Variants in C12orf42 observed in about 807,000 individuals in gnomAD.
C12orf42 encodes uncharacterized protein C12orf42.
A neutral mutation model predicts 21.6 loss-of-function variants in C12orf42; 25 were observed. The ratio of observed to expected loss-of-function variants is 1.16; its 90% confidence interval spans 0.84 to 1.62. The LOEUF is 1.62. C12orf42 is among the 40% of genes most tolerant of loss of function. C12orf42 has a pLI of 0.00. For missense variants in C12orf42, 483 were observed against 459.3 expected (o/e 1.05, Z -0.47); for synonymous variants, 174 against 175.0 (o/e 0.99, Z 0.05).
At chr12:103,464,236 G>A (rs1008963759) in intron 2 of C12orf42, among the ~76,000 whole-genome samples, 1 of 152,086 alleles carries the variant, frequency 6.6e-6, no homozygotes, top group African/African-American at 2.4e-5. Flanking sequence ...ACCAACATCT[G>A]TTATTTCTTG....
the C12orf42 span, among the ~76,000 whole-genome samples, chr12:103,554,273 A>T: frequency 6.6e-6 from 1 of 152,274 alleles, no homozygotes; most frequent in East Asian, 1.9e-4. Context: ...TAAATATAAG[A>T]GTAGCCTGGA....
intron 2 of C12orf42, among the ~76,000 whole-genome samples, chr12:103,436,047 G>T (rs1373589672): frequency 6.6e-6 from 1 of 151,988 alleles, no homozygotes; most frequent in Non-Finnish European, 1.5e-5. Flanking sequence ...ACTAACAGCG[G>T]ATCTCTCGGC....
At chr12:103,324,576 C>T (rs374858191) in intron 4 of C12orf42, among the ~76,000 whole-genome samples, 5 of 152,262 alleles carry the variant, frequency 3.3e-5, no homozygotes, top group Middle Eastern at 3.4e-3. Context: ...TGAGGACCTG[C>T]TATTTTAAAA....
the C12orf42 span, among the ~76,000 whole-genome samples, chr12:103,505,799 C>T: frequency 3.9e-5 from 6 of 152,196 alleles, no homozygotes; most frequent in African/African-American, 1.2e-4. Context: ...TCTGGCTTCT[C>T]CGCTTGGACA....
At chr12:103,119,304 AT>A in the C12orf42 span, among the ~76,000 whole-genome samples, 3 of 152,234 alleles carry the variant, frequency 2.0e-5, no homozygotes, top group Non-Finnish European at 4.4e-5. Context: ...TGATGATTAA[AT>A]GAGATAACAC....
chr12:103,382,659 A>G (rs2046283677), intron 3 of C12orf42, among the ~76,000 whole-genome samples: 2 of 152,248 alleles, frequency 1.3e-5, no homozygotes, highest in Admixed American at 1.3e-4. Context: ...TGCCTATTTC[A>G]CAGGTGCAGA....
chr12:103,283,835 C>T (rs987586424), intron 4 of C12orf42, among the ~76,000 whole-genome samples: 2 of 152,136 alleles, frequency 1.3e-5, no homozygotes, highest in South Asian at 2.1e-4. Context: ...TGTAAATGAT[C>T]GAATGGATGA....
chr12:103,381,190 TA>T (rs966387093), intron 3 of C12orf42, among the ~76,000 whole-genome samples: 1 of 152,204 alleles, frequency 6.6e-6, no homozygotes, highest in African/African-American at 2.4e-5. Flanking sequence ...AGCAAATCAC[TA>T]AACTGAACAC....
chr12:103,076,467 G>T, the C12orf42 span, among the ~76,000 whole-genome samples: 1 of 152,030 alleles, frequency 6.6e-6, no homozygotes, highest in African/African-American at 2.4e-5. Flanking sequence ...CATGAGGCCT[G>T]TTAATGTCAT....
At chr12:103,279,394 G>A (rs1428196740) in intron 4 of C12orf42, among the ~76,000 whole-genome samples, 1 of 151,994 alleles carries the variant, frequency 6.6e-6, no homozygotes, top group African/African-American at 2.4e-5. Context: ...CAATAAAGCT[G>A]TTAAATATAT....
chr12:103,138,957 A>G, the C12orf42 span, among the ~76,000 whole-genome samples: 70 of 152,080 alleles, frequency 4.6e-4, no homozygotes, highest in African/African-American at 1.6e-3. Flanking sequence ...TAGCACCATC[A>G]TGTATCTGTA....
the C12orf42 span, among the ~76,000 whole-genome samples, chr12:103,064,568 C>T: frequency 1.3e-5 from 2 of 152,190 alleles, no homozygotes; most frequent in Non-Finnish European, 2.9e-5. Context: ...AAAATCATGG[C>T]CCCTCAATCA....
At chr12:103,106,420 A>G in the C12orf42 span, among the ~76,000 whole-genome samples, 16 of 152,254 alleles carry the variant, frequency 1.1e-4, no homozygotes, top group East Asian at 2.1e-3. Flanking sequence ...ACATGTGGGT[A>G]AAAATAAACA....
upstream of C12orf42, among the ~76,000 whole-genome samples, chr12:103,496,297 A>G (rs555691598): frequency 9.9e-5 from 15 of 152,236 alleles, no homozygotes; most frequent in South Asian, 3.1e-3. Flanking sequence ...CCACCTACTC[A>G]TCTGCCTCGA....
At chr12:103,116,379 A>ATAT in the C12orf42 span, among the ~76,000 whole-genome samples, 164 of 128,942 alleles carry the variant, frequency 1.3e-3, no homozygotes, top group African/African-American at 3.7e-3. Context: ...AGAAAAAAAA[A>ATAT]AAATATATAT....
chr12:103,113,417 G>A, the C12orf42 span, among the ~76,000 whole-genome samples: 1 of 151,754 alleles, frequency 6.6e-6, no homozygotes, highest in Non-Finnish European at 1.5e-5. Context: ...TCTCTCAACC[G>A]ATATTAAGTT....
chr12:103,297,466 C>T (rs1205001691), downstream of C12orf42, among the ~76,000 whole-genome samples: 1 of 152,166 alleles, frequency 6.6e-6, no homozygotes, highest in African/African-American at 2.4e-5. Flanking sequence ...AATTAATAGC[C>T]TACCAACCAA....
chr12:103,488,355 C>A (rs1954973480), intron 1 of C12orf42, among the ~76,000 whole-genome samples: 1 of 152,278 alleles, frequency 6.6e-6, no homozygotes, highest in South Asian at 2.1e-4. Flanking sequence ...TGTGGGTAAC[C>A]CAACCTTTCT....
At chr12:103,262,266 G>C (rs959709675) in intron 10 of C12orf42, 1 of 152,280 alleles carries the variant, frequency 6.6e-6, no homozygotes, top group African/African-American at 2.4e-5. Context: ...ACACATAAAG[G>C]TTTGTATTGC....
Sources: gnomAD v4.1 joint callset for allele counts (sites outside exome capture counted in the v4.1 genomes callset) on GRCh38, gnomAD v4.1.1 for gene constraint, MANE v1.5 for transcripts, NCBI Gene and HGNC (gene_info 2026-07-23, HGNC 2026-07-21) for gene names.